BRCA2: variants seen among roughly 807,000 people sequenced by gnomAD.
BRCA2 encodes breast cancer type 2 susceptibility protein.
BRCA2 carries 203 observed loss-of-function variants against 276.7 expected under a neutral mutation model. The observed-to-expected ratio is 0.73, with a 90% CI of 0.65 to 0.82. The LOEUF (loss-of-function observed/expected upper bound fraction) is 0.82, where lower values mean the gene tolerates loss of function less well. BRCA2 is among the 40% of genes least tolerant of loss of function. The pLI is 0.00. For synonymous variants in BRCA2, 1,289 were observed against 1,338.4 expected (o/e 0.96, Z 0.81); for missense variants, 3,920 against 3,915.0 (o/e 1.00, Z -0.03).
intron 16 of BRCA2, among the ~76,000 whole-genome samples, chr13:32,360,710 G>A (rs927759071): frequency 1.3e-5 from 2 of 152,160 alleles, no homozygotes; most frequent in African/African-American, 2.4e-5. Flanking sequence ...GAGGAGAGGG[G>A]CAAAGATGGA....
intron 16 of BRCA2, among the ~76,000 whole-genome samples, chr13:32,359,949 G>A (rs1328911801): frequency 6.6e-6 from 1 of 152,146 alleles, no homozygotes; most frequent in African/African-American, 2.4e-5. Context: ...CTATGTGGAA[G>A]GCATAGAAAA....
chr13:32,379,902 C>G lies in BRCA2; in HGVS notation c.9106C>G (p.Gln3036Glu), dbSNP rs202155613. Reference protein sequence around the residue: ...QLAATKKTQYQQLPVSDEILF... With the variant: ...QLAATKKTQYEQLPVSDEILF... The stretch of plus-strand genomic sequence containing the variant: ...AGCAGCGACAAAAAAAACTCAGTAT[C>G]AACAACTACCGGTACAAACCTTTCA... The change falls in exon 23 of 27, where the codon CAA becomes GAA. Residue 3036 changes from glutamine to glutamate, a missense_variant. This residue lies in a region of BRCA2 where 657 missense variants were observed against 758.2 expected (regional missense o/e 0.87). Transcript: ENST00000380152. 5.6e-6 allele frequency: 9 copies of G among 1,613,476 alleles called. No individual in the cohort carries two copies. The East Asian group carries it at 2.0e-4, about 36-fold the overall frequency.
rs587782600 is a variant in BRCA2 at position 32,326,250 on chromosome 13, GGGA to G, written c.486_488del (p.Ser163del). The G allele has an allele frequency of 6.2e-7, 1 of 1,613,452 alleles. No individual in the cohort carries two copies. Among genetic ancestry groups the G allele is most frequent in the Non-Finnish European group, 8.5e-7 (1 of 1,179,540 alleles). On this transcript the variant is annotated inframe_deletion, in exon 6 of 27. Transcript: ENST00000380152. Reference sequence around the variant, plus strand: ...CCTTTTTTTACCCCCAGTGGTATGTGGGAGTTTGTTTCATACACCAAAGTTTGT... The same window carrying G: ...CCTTTTTTTACCCCCAGTGGTATGTGGTTTGTTTCATACACCAAAGTTTGT...
chr13:32,350,596 A>G (rs1305999432), intron 13 of BRCA2, among the ~76,000 whole-genome samples: 2 of 151,924 alleles, frequency 1.3e-5, no homozygotes, highest in Non-Finnish European at 2.9e-5. Flanking sequence ...AAAAATAACA[A>G]AACAAAATTA....
chr13:32,393,515 G>A (rs1055027362), intron 24 of BRCA2, among the ~76,000 whole-genome samples: 3 of 151,448 alleles, frequency 2.0e-5, no homozygotes, highest in Non-Finnish European at 2.9e-5. Context: ...ATATGGACTC[G>A]TGTGTTCTTT....
rs28897743 is a variant in BRCA2, at chr13:32,346,896, G to T, written c.7007G>T (p.Arg2336Leu). 1 of 1,602,850 alleles carries T rather than the reference G, an allele frequency of 6.2e-7. No individual in the cohort carries two copies. The change falls in exon 13 of 27, where the codon CGC (arginine) becomes CTC (leucine). Residue 2336 changes from arginine to leucine, a missense_variant and splice_region_variant. Coordinates refer to ENST00000380152, the MANE Select transcript of BRCA2 (RefSeq NM_000059.4). ...SLEPITCVPF[R>L]TTKERQEIQN... ...GAGCCGATTACCTGTGTACCCTTTC[G>T]GTAAGACATGTTTAAATTTTTCTAA...
chr13:32,362,808 C>T (rs2072750347), intron 17 of BRCA2, 115 bp downstream of exon 17: 8 of 1,089,368 alleles, frequency 7.3e-6, no homozygotes, highest in South Asian at 5.4e-5. Context: ...GTGACAGTTG[C>T]CATCCCACAC....
chr13:32,330,882 T>A (rs2137460892), intron 8 of BRCA2, 37 bp from the exon 9 acceptor site: 1 of 1,309,696 alleles, frequency 7.6e-7, no homozygotes, highest in Non-Finnish European at 1.1e-6. Context: ...GCATTGAGAG[T>A]TTTTATACTA....
In BRCA2 at chr13:32,355,072, G is replaced by A. The variant is rs1387721179; in HGVS notation, c.7219G>A (p.Val2407Ile). 6.2e-7 allele frequency: 1 copy of A among 1,613,964 alleles called. No homozygotes were observed. Among genetic ancestry groups the A allele is most frequent in the East Asian group, 2.2e-5 (1 of 44,854 alleles). Residue 2407 changes from valine to isoleucine, a missense_variant, in exon 14 of 27, where the codon GTT becomes ATT. This residue lies in a region of BRCA2 where 3,263 missense variants were observed against 3,156.9 expected (regional missense o/e 1.03). Transcript: ENST00000380152. ...TACAGGCAGACCAACCAAAGTCTTT[G>A]TTCCACCTTTTAAAACTAAATCACA... ...ITTGRPTKVF[V>I]PPFKTKSHFH...
intron 24 of BRCA2, 48 bp from the exon 25 acceptor site, chr13:32,394,641 C>G (rs760920293): frequency 2.9e-5 from 46 of 1,583,258 alleles, no homozygotes; most frequent in Non-Finnish European, 3.4e-5. Context: ...TCTTAAAATT[C>G]ATCTAACACA....
At chr13:32,319,432 C>T (rs1448420982) in intron 3 of BRCA2, 107 bp downstream of exon 3, 15 of 1,158,476 alleles carry the variant, frequency 1.3e-5, no homozygotes, top group South Asian at 1.2e-4. Context: ...CTGGGCAAAT[C>T]AGTCTCTCTG....
At chr13:32,319,004 A>G in intron 2 of BRCA2, 73 bp from the exon 3 acceptor site, 1 of 1,576,356 alleles carries the variant, frequency 6.3e-7, no homozygotes, top group South Asian at 1.2e-5. Context: ...TTTCCTTATG[A>G]TCTTTAACTG....
intron 21 of BRCA2, among the ~76,000 whole-genome samples, 197 bp downstream of exon 21, chr13:32,376,988 A>T (rs2072878343): frequency 6.6e-6 from 1 of 152,156 alleles, no homozygotes; most frequent in African/African-American, 2.4e-5. Context: ...CGAGTAGAGG[A>T]TGGGAGGGTT....
rs964130792 is a variant in BRCA2 at position 32,355,052 on chromosome 13, G to A, written c.7199G>A (p.Gly2400Asp). The A allele has an allele frequency of 6.2e-7, 1 of 1,613,998 alleles. No individual in the cohort carries two copies. Among genetic ancestry groups the A allele is most frequent in the Non-Finnish European group, 8.5e-7 (1 of 1,179,954 alleles). ...NEKMRHLITT[G>D]RPTKVFVPPF... ...AAAATGAGACACTTGATTACTACAG[G>A]CAGACCAACCAAAGTCTTTGTTCCA... The change falls in exon 14 of 27, where the codon GGC becomes GAC. Residue 2400 changes from glycine to aspartate, a missense_variant. Transcript: ENST00000380152.
At chr13:32,350,130 A>G (rs566242884) in intron 13 of BRCA2, among the ~76,000 whole-genome samples, 2 of 152,270 alleles carry the variant, frequency 1.3e-5, no homozygotes, top group South Asian at 2.1e-4. Context: ...AACAAGTTCT[A>G]TCTTTGTACC....
chr13:32,362,498 T>G, intron 16 of BRCA2, 25 bp from the exon 17 acceptor site: 1 of 1,604,818 alleles, frequency 6.2e-7, no homozygotes, highest in South Asian at 1.1e-5. Flanking sequence ...GTTTTTATGA[T>G]AATATTCTAC....
At position 32,368,079 on chromosome 13, in the gene BRCA2, GCAC is replaced by G. The variant is rs1412168948; in HGVS notation, c.8332-2322_8332-2320del. Among the ~76,000 whole-genome samples the G allele has an allele frequency of 4.9e-5, 6 of 122,164 alleles. No individual in the cohort carries two copies. In the East Asian group the frequency reaches 1.4e-3, roughly 28 times the overall value. 80.1% of individuals were successfully genotyped at this position (122,164 alleles called of 152,430 possible). Reference sequence around the variant, plus strand: ...CTGTCGCCCAGGCTGGAGTGCAGTGGCACGATCTTGGCTCACTGCAACCTCTGC... The same window carrying G: ...CTGTCGCCCAGGCTGGAGTGCAGTGGGATCTTGGCTCACTGCAACCTCTGC... On this transcript the variant is annotated intron_variant, in intron 18 of 26. Transcript: ENST00000380152.
Position 32,355,164 on chromosome 13 carries a change from T to C in BRCA2, c.7311T>C (p.Ile2437=), listed in dbSNP as rs1131692103. The C allele has an allele frequency of 3.7e-6, 6 of 1,613,774 alleles. No homozygotes were observed. The South Asian group carries it at 6.6e-5, about 18-fold the overall frequency. The change falls in exon 14 of 27, where the codon ATT becomes ATC. Residue 2437 remains isoleucine, a synonymous_variant. Coordinates refer to ENST00000380152, the MANE Select transcript of BRCA2 (RefSeq NM_000059.4). ...NLEENRQKQN[I]DGHGSDDSKN... is the part of the protein sequence containing the mutation. The stretch of plus-strand genomic sequence containing the variant: ...AGGAAAACAGACAAAAGCAAAACAT[T>C]GATGGACATGGCTCTGATGATAGTA...
Position 32,350,875 on chromosome 13 carries a change from C to G in BRCA2, c.7007+3979C>G, listed in dbSNP as rs369671478. On this transcript the variant is annotated intron_variant, in intron 13 of 26. Transcript: ENST00000380152. ...CATTGATAGTGAGAGGTGAAGCTGG[C>G]TGGGCTTCTGGGTCGTGTGGGGACT... Among the ~76,000 whole-genome samples the G allele has an allele frequency of 1.2e-4, 18 of 152,302 alleles. No homozygotes were observed. The East Asian group carries it at 3.3e-3, about 28-fold the overall frequency.
Sources: gnomAD v4.1 joint callset for allele counts (sites outside exome capture counted in the v4.1 genomes callset) on GRCh38, gnomAD v4.1.1 for gene constraint, gnomAD v4.1.1 regional missense constraint, MANE v1.5 for transcripts, NCBI Gene and HGNC (gene_info 2026-07-23, HGNC 2026-07-21) for gene names.